The following CTNNA2 variants were observed in gnomAD, a reference collection of about 807,000 sequenced individuals.
CTNNA2 encodes catenin alpha-2.
A neutral mutation model predicts 101.0 loss-of-function variants in CTNNA2; 42 were observed. The observed-to-expected ratio is 0.42, with a 90% CI of 0.32 to 0.54. The LOEUF (loss-of-function observed/expected upper bound fraction) is 0.54. Ranked by LOEUF, CTNNA2 falls within the 20% of genes least tolerant of loss-of-function variation. CTNNA2 has a pLI of 0.14. For missense variants in CTNNA2, 871 were observed against 1,223.1 expected, an observed-to-expected ratio of 0.71 and a Z score of 4.29; for synonymous variants, 450 against 456.4, an observed-to-expected ratio of 0.99 and a Z score of 0.18.
At chr2:80,042,613 T>C (rs1235113256) in intron 7 of CTNNA2, among the ~76,000 whole-genome samples, 1 of 152,134 alleles carries the variant, frequency 6.6e-6, no homozygotes, top group African/African-American at 2.4e-5. Context: ...GGCACTGTCC[T>C]GTCTCTGTGG....
rs561377415 is a variant in CTNNA2 at position 80,042,771 on chromosome 2, C to T, written c.1056+132974C>T. Among the ~76,000 whole-genome samples the T allele has an allele frequency of 7.0e-4, 107 of 152,272 alleles. 1 individual carries two copies. In the Middle Eastern group the frequency reaches 0.014, roughly 19 times the overall value. ...TTTGTGATATGCTATTATGACTTTTCGATTGTTACAGACTTAAGCTGTTGG... is the reference window on the plus strand; with the variant it reads ...TTTGTGATATGCTATTATGACTTTTTGATTGTTACAGACTTAAGCTGTTGG... On this transcript the variant is annotated intron_variant, in intron 7 of 18. Coordinates refer to ENST00000402739, the MANE Select transcript of CTNNA2 (RefSeq NM_001282597.3).
At chr2:80,458,740 T>A (rs928147865) in intron 9 of CTNNA2, among the ~76,000 whole-genome samples, 1 of 152,188 alleles carries the variant, frequency 6.6e-6, no homozygotes, top group African/African-American at 2.4e-5. Context: ...CTCTAGCAGC[T>A]TAGATAACAG....
intron 7 of CTNNA2, among the ~76,000 whole-genome samples, chr2:79,994,927 A>G (rs944310289): frequency 1.3e-5 from 2 of 152,188 alleles, no homozygotes; most frequent in African/African-American, 4.8e-5. Flanking sequence ...AATTCAAGCC[A>G]CTGACTGACA....
intron 7 of CTNNA2, among the ~76,000 whole-genome samples, chr2:80,279,609 T>C (rs1674205753): frequency 6.6e-6 from 1 of 152,160 alleles, no homozygotes; most frequent in Non-Finnish European, 1.5e-5. Flanking sequence ...CTTATTGCTT[T>C]GATGGCACCC....
intron 9 of CTNNA2, among the ~76,000 whole-genome samples, chr2:80,474,509 G>A (rs892779062): frequency 9.2e-5 from 14 of 152,190 alleles, no homozygotes; most frequent in Admixed American, 8.5e-4. Context: ...AAGGCAAGAG[G>A]TAAATTTCAG....
chr2:80,187,549 T>C (rs1178072994), intron 7 of CTNNA2, among the ~76,000 whole-genome samples: 1 of 152,248 alleles, frequency 6.6e-6, no homozygotes, highest in Non-Finnish European at 1.5e-5. Context: ...ATGTTTGTAT[T>C]TCTAAGGGTT....
chr2:79,966,897 A>G (rs1690104719), intron 7 of CTNNA2, among the ~76,000 whole-genome samples: 1 of 151,722 alleles, frequency 6.6e-6, no homozygotes, highest in South Asian at 2.1e-4. Context: ...TAACCATACC[A>G]GGCATTTTTT....
chr2:79,929,644 A>T (rs924610677), intron 7 of CTNNA2, among the ~76,000 whole-genome samples: 2 of 152,202 alleles, frequency 1.3e-5, no homozygotes, highest in Non-Finnish European at 2.9e-5. Flanking sequence ...CTAGACATGC[A>T]TCTGTTGGTT....
At chr2:79,966,505 G>A (rs1690073089) in intron 7 of CTNNA2, among the ~76,000 whole-genome samples, 1 of 152,132 alleles carries the variant, frequency 6.6e-6, no homozygotes, top group Non-Finnish European at 1.5e-5. Context: ...CAAAGTGCTA[G>A]GATTACAGGC....
At chr2:79,316,190 T>G (rs1573069617) in intron 3 of CTNNA2, among the ~76,000 whole-genome samples, 1 of 152,078 alleles carries the variant, frequency 6.6e-6, no homozygotes, top group Non-Finnish European at 1.5e-5. Context: ...CCAGCACCAT[T>G]TATTGAAAAT....
In CTNNA2 at chr2:80,303,867, T is replaced by A; in HGVS notation, c.1057-89344T>A. On this transcript the variant is annotated intron_variant, in intron 7 of 18. Coordinates refer to ENST00000402739, the MANE Select transcript of CTNNA2 (RefSeq NM_001282597.3). This position sits in a 1 kb window ranked among gnomAD's most constrained non-coding sequence, Gnocchi z 7.7. The stretch of plus-strand genomic sequence containing the variant: ...ACTGGAGAATGTCCATTGGAAGCGC[T>A]CGGTCAGAAATCTACATCATATTTT... 1 of 1,473,404 alleles carries A rather than the reference T, an allele frequency of 6.8e-7. No homozygotes were observed. The allele number at this position is 1,473,404 out of a possible 1,614,324, so 91.3% of individuals were successfully genotyped here. A position where few individuals can be genotyped will look rare whatever the true frequency, so the allele number is the denominator to read the frequency against.
At chr2:79,428,582 G>A (rs189816165) in intron 4 of CTNNA2, among the ~76,000 whole-genome samples, 2 of 152,016 alleles carry the variant, frequency 1.3e-5, no homozygotes, top group Non-Finnish European at 2.9e-5. Context: ...ACAATATTGA[G>A]ACAGAAACAT....
intron 7 of CTNNA2, among the ~76,000 whole-genome samples, chr2:80,008,016 A>G (rs1693497170): frequency 1.3e-5 from 2 of 152,204 alleles, no homozygotes; most frequent in Non-Finnish European, 2.9e-5. Context: ...AAAATGCTTT[A>G]TGAACTGTAA....
chr2:79,846,958 A>C (rs1045679424), intron 3 of CTNNA2, among the ~76,000 whole-genome samples: 14 of 152,238 alleles, frequency 9.2e-5, no homozygotes, highest in African/African-American at 3.4e-4. Context: ...CTTAAAAAGT[A>C]GTGTGGGAAC....
At chr2:80,159,737 G>T (rs1704197182) in intron 7 of CTNNA2, among the ~76,000 whole-genome samples, 1 of 152,074 alleles carries the variant, frequency 6.6e-6, no homozygotes, top group Non-Finnish European at 1.5e-5. Context: ...GCCTCCCAAA[G>T]TGCTGGGATT....
chr2:80,483,741 A>G (rs919340405), intron 9 of CTNNA2, among the ~76,000 whole-genome samples: 3 of 152,216 alleles, frequency 2.0e-5, no homozygotes, highest in Non-Finnish European at 4.4e-5. Context: ...AAAACAAAGT[A>G]TTGGGATAAA....
At chr2:79,390,701 A>T (rs944999949) in intron 4 of CTNNA2, among the ~76,000 whole-genome samples, 2 of 152,210 alleles carry the variant, frequency 1.3e-5, no homozygotes, top group Non-Finnish European at 2.9e-5. Context: ...TAGGAATGAT[A>T]CCTATTTGGT....
chr2:79,479,421 T>A (rs951063415), intron 4 of CTNNA2, among the ~76,000 whole-genome samples: 7 of 152,226 alleles, frequency 4.6e-5, no homozygotes, highest in Non-Finnish European at 5.9e-5. Context: ...ACTTTCCATT[T>A]TGGTCTGGCA....
At chr2:80,616,076 C>T (rs1247097954) in intron 17 of CTNNA2, among the ~76,000 whole-genome samples, 1 of 151,616 alleles carries the variant, frequency 6.6e-6, no homozygotes, top group Non-Finnish European at 1.5e-5. Context: ...TGTGCAGATG[C>T]CTTGCTGATA....
Sources: allele counts gnomAD v4.1 joint callset (sites outside exome capture counted in the v4.1 genomes callset), GRCh38; gene constraint gnomAD v4.1.1; non-coding constraint Gnocchi (gnomAD v3.1); transcripts MANE v1.5; gene names NCBI Gene and HGNC (gene_info 2026-07-23, HGNC 2026-07-21).